LPIN1: variants seen among roughly 807,000 people sequenced by gnomAD.
LPIN1 encodes the protein lipin 1.
LPIN1 carries 71 observed loss-of-function variants against 107.5 expected under a neutral mutation model. The ratio of observed to expected loss-of-function variants is 0.66; its 90% CI spans 0.55 to 0.80. The LOEUF is 0.80. Among genes scored for constraint, LPIN1 ranks in the 30% least tolerant of loss-of-function variants. The pLI is 0.00. For missense variants in LPIN1, 1,043 were observed against 1,160.6 expected (o/e 0.90, Z 1.47); for synonymous variants, 445 against 452.6 (o/e 0.98, Z 0.21).
Position 11,773,745 on chromosome 2 carries a change from G to C in LPIN1, c.722G>C (p.Ser241Thr), listed in dbSNP as rs771814026. The change falls in exon 5 of 21, where the codon AGT becomes ACT. Residue 241 changes from serine (S) to threonine (T), a missense_variant and splice_region_variant. Physicochemically the swap from Ser to Thr is moderately conservative, Grantham distance 58 (BLOSUM62 1). Transcript: ENST00000674199. Reference protein sequence around the residue: ...NSDREWSPTPSSLVDCKRTAP... With the variant: ...NSDREWSPTPTSLVDCKRTAP... ...GATAGAGAGTGGTCACCCACTCCCA[G>C]GTAAGCTGTTCCCTGTTCCCCTGGC... is the stretch of plus-strand genomic sequence containing the variant. 3.7e-6 allele frequency: 6 copies of C among 1,614,014 alleles called. No homozygotes were observed. Among genetic ancestry groups the C allele is most frequent in the African/African-American group, 1.3e-5 (1 of 74,918 alleles).
chr2:11,697,646 G>T lies in LPIN1; in HGVS notation c.82-16110G>T, dbSNP rs1662656307. 6.6e-6 allele frequency among the ~76,000 whole-genome samples: 1 copy of T among 152,224 alleles called. No individual in the cohort carries two copies. Among genetic ancestry groups the T allele is most frequent in the African/African-American group, 2.4e-5 (1 of 41,458 alleles). The stretch of plus-strand genomic sequence containing the variant: ...GACAGGGAAAGGACGCCCATTCATT[G>T]GCAGGGTGAGTGGAGAAGTGCTTGG... On this transcript the variant is annotated intron_variant, in intron 1 of 21. Coordinates refer to the LPIN1 transcript ENST00000449576. The surrounding 1 kb of genome is among the most constrained non-coding windows in gnomAD (Gnocchi z 4.6).
chr2:11,799,822 G>T (rs1047438862), intron 14 of LPIN1, among the ~76,000 whole-genome samples: 2 of 152,148 alleles, frequency 1.3e-5, no homozygotes, highest in Non-Finnish European at 2.9e-5. Flanking sequence ...GAAAGATAAA[G>T]AAATGATTTC....
At chr2:11,749,777 G>A (rs954604826) in intron 1 of LPIN1, among the ~76,000 whole-genome samples, 3 of 152,234 alleles carry the variant, frequency 2.0e-5, no homozygotes, top group Non-Finnish European at 2.9e-5. Context: ...GCTCCATCAG[G>A]AGAGAAGCCA....
intron 4 of LPIN1, among the ~76,000 whole-genome samples, chr2:11,772,263 A>G (rs1489329253): frequency 6.6e-6 from 1 of 152,222 alleles, no homozygotes. Context: ...AGTTTCTAAC[A>G]GGGGCATGGA....
At chr2:11,784,662 G>A (rs894692331) in intron 9 of LPIN1, 3 of 619,788 alleles carry the variant, frequency 4.8e-6, no homozygotes, top group African/African-American at 1.8e-5. Flanking sequence ...TATTTTAGGG[G>A]GATACAGGGA....
At chr2:11,731,681 C>T (rs1665247484) in intron 1 of LPIN1, among the ~76,000 whole-genome samples, 1 of 151,372 alleles carries the variant, frequency 6.6e-6, no homozygotes, top group Non-Finnish European at 1.5e-5. Flanking sequence ...ACTAGTTTAC[C>T]ACCAACAGTG....
chr2:11,684,572 C>A (rs531854423), intron 1 of LPIN1, among the ~76,000 whole-genome samples: 12 of 152,208 alleles, frequency 7.9e-5, no homozygotes, highest in Non-Finnish European at 1.3e-4. Context: ...CCGTGGTGAA[C>A]AAAGAAAATA....
In LPIN1 at chr2:11,771,117, C is replaced by T. The variant is rs1671771427; in HGVS notation, c.289-255C>T. On this transcript the variant is annotated intron_variant, in intron 3 of 20. Coordinates refer to ENST00000674199, the MANE Select transcript of LPIN1 (RefSeq NM_001349206.2). This position sits in a 1 kb window ranked among gnomAD's most constrained non-coding sequence, Gnocchi z 4.8. ...CTTGAGATCACTGAGAATTACCTCC[C>T]ATTGTTAAAATTACATAAATGCAGG... Among the ~76,000 whole-genome samples the T allele has an allele frequency of 6.6e-6, 1 of 152,150 alleles. No individual in the cohort carries two copies. Among genetic ancestry groups the T allele is most frequent in the Admixed American group, 6.5e-5 (1 of 15,272 alleles).
At chr2:11,738,683 G>C (rs566437226) in intron 1 of LPIN1, among the ~76,000 whole-genome samples, 1 of 152,318 alleles carries the variant, frequency 6.6e-6, no homozygotes, top group Non-Finnish European at 1.5e-5. Context: ...CCAGGAGAGG[G>C]AGCCCAAACA....
chr2:11,684,725 C>T (rs1438659107), intron 1 of LPIN1, among the ~76,000 whole-genome samples: 1 of 152,034 alleles, frequency 6.6e-6, no homozygotes, highest in East Asian at 1.9e-4. Flanking sequence ...TACTTTCCTT[C>T]CATCCCTCCC....
At chr2:11,822,263 T>G (rs1167462338) in intron 20 of LPIN1, among the ~76,000 whole-genome samples, 4 of 132,402 alleles carry the variant, frequency 3.0e-5, no homozygotes, top group Non-Finnish European at 6.2e-5. Context: ...AAACCCTGTC[T>G]CTACTAGAAA....
chr2:11,708,128 G>A (rs1663218520), intron 1 of LPIN1, among the ~76,000 whole-genome samples: 1 of 152,106 alleles, frequency 6.6e-6, no homozygotes, highest in Non-Finnish European at 1.5e-5. Context: ...AGGAAACTAG[G>A]CCCTAAGAGG....
chr2:11,785,600 A>C (rs1214080867), intron 10 of LPIN1, among the ~76,000 whole-genome samples: 1 of 152,168 alleles, frequency 6.6e-6, no homozygotes, highest in Non-Finnish European at 1.5e-5. Context: ...CAGTGGGTGC[A>C]GTCAGCAGTT....
At chr2:11,754,267 A>G (rs1310545735) in intron 1 of LPIN1, among the ~76,000 whole-genome samples, 6 of 152,232 alleles carry the variant, frequency 3.9e-5, no homozygotes, top group Non-Finnish European at 5.9e-5. Flanking sequence ...TTGAATCACC[A>G]GGCTCCTTGG....
chr2:11,726,320 C>T (rs998848328), intron 1 of LPIN1, among the ~76,000 whole-genome samples: 2 of 152,310 alleles, frequency 1.3e-5, no homozygotes, highest in African/African-American at 4.8e-5. Context: ...CATGACGAAT[C>T]GGTCTCCATC....
chr2:11,750,656 A>G (rs1171462996), intron 1 of LPIN1, among the ~76,000 whole-genome samples: 1 of 152,244 alleles, frequency 6.6e-6, no homozygotes, highest in Non-Finnish European at 1.5e-5. Flanking sequence ...GGCTGTGCTG[A>G]TGTCATCCCT....
chr2:11,722,993 A>T (rs1384209146), upstream of LPIN1, among the ~76,000 whole-genome samples: 1 of 152,224 alleles, frequency 6.6e-6, no homozygotes, highest in African/African-American at 2.4e-5. Context: ...CTGCCTTTGA[A>T]CATTAGAGCA....
At chr2:11,761,203 A>G (rs1669771913) in intron 1 of LPIN1, among the ~76,000 whole-genome samples, 1 of 152,228 alleles carries the variant, frequency 6.6e-6, no homozygotes, top group African/African-American at 2.4e-5. Flanking sequence ...TACCAAACAC[A>G]CGTTAAAATC....
intron 1 of LPIN1, among the ~76,000 whole-genome samples, chr2:11,706,079 C>G (rs1210926268): frequency 6.6e-6 from 1 of 152,170 alleles, no homozygotes; most frequent in Non-Finnish European, 1.5e-5. Flanking sequence ...GTGACTTGCT[C>G]CTCTTTGCCT....
Sources: allele counts gnomAD v4.1 joint callset (sites outside exome capture counted in the v4.1 genomes callset), GRCh38; gene constraint gnomAD v4.1.1; non-coding constraint Gnocchi (gnomAD v3.1); transcripts MANE v1.5; gene names NCBI Gene and HGNC (gene_info 2026-07-23, HGNC 2026-07-21).